The following RGS7 variants were observed in gnomAD, a reference collection of about 807,000 sequenced individuals.
The protein encoded by RGS7 is regulator of G protein signaling 7, also known as regulator of G-protein signaling 7.
Under a neutral mutation model 81.1 loss-of-function variants are expected in RGS7, and 27 were observed. That is an observed-to-expected ratio of 0.33 (90% CI 0.25 to 0.46). The LOEUF (loss-of-function observed/expected upper bound fraction) is 0.46, where lower values mean the gene tolerates loss of function less well. Ranked by LOEUF, RGS7 falls within the 20% of genes least tolerant of loss-of-function variation. The pLI is 1.00. For synonymous variants in RGS7, 208 were observed against 207.7 expected (o/e 1.00, Z -0.01); for missense variants, 396 against 607.4 (o/e 0.65, Z 3.66).
chr1:241,217,375 T>C (rs1040590014), intron 2 of RGS7, among the ~76,000 whole-genome samples: 3 of 152,200 alleles, frequency 2.0e-5, no homozygotes, highest in Non-Finnish European at 2.9e-5. Context: ...CTGTGGTTTT[T>C]GCTGTGGCAG....
intron 2 of RGS7, among the ~76,000 whole-genome samples, chr1:241,202,244 A>G (rs2073574689): frequency 6.6e-6 from 1 of 152,206 alleles, no homozygotes; most frequent in Admixed American, 6.5e-5. Context: ...AAATAACATC[A>G]GTTGTAGCAT....
chr1:240,820,514 C>T (rs1161746057), intron 10 of RGS7, among the ~76,000 whole-genome samples: 1 of 151,772 alleles, frequency 6.6e-6, no homozygotes, highest in Non-Finnish European at 1.5e-5. Context: ...TTGTGTCTCT[C>T]CAAAATTCTT....
intron 3 of RGS7, among the ~76,000 whole-genome samples, chr1:241,097,632 C>T (rs182609354): frequency 5.9e-5 from 9 of 152,250 alleles, no homozygotes; most frequent in East Asian, 3.9e-4. Flanking sequence ...TCTCCCTCCT[C>T]GCTGCTGAGG....
intron 3 of RGS7, among the ~76,000 whole-genome samples, chr1:240,987,448 T>G (rs1685827902): frequency 6.6e-6 from 1 of 152,108 alleles, no homozygotes; most frequent in South Asian, 2.1e-4. Context: ...ATAGACACAG[T>G]GCTGACAATA....
chr1:240,982,314 C>A (rs1461490781), intron 4 of RGS7, among the ~76,000 whole-genome samples: 1 of 148,848 alleles, frequency 6.7e-6, no homozygotes, highest in Non-Finnish European at 1.5e-5. Flanking sequence ...CCCAGCTACT[C>A]GGGAGGCTGA....
intron 2 of RGS7, among the ~76,000 whole-genome samples, chr1:241,295,358 CAGG>C (rs1421669203): frequency 2.1e-5 from 3 of 143,498 alleles, no homozygotes; most frequent in African/African-American, 7.4e-5. Context: ...GAGGATGAGG[CAGG>C]AGAATCATTT....
chr1:241,356,141 G>C (rs2083548539), intron 1 of RGS7, among the ~76,000 whole-genome samples: 1 of 151,592 alleles, frequency 6.6e-6, no homozygotes, highest in Non-Finnish European at 1.5e-5. Context: ...TCCTAGTACA[G>C]AGTTCTCTTC....
chr1:241,142,184 C>T (rs998868474), intron 2 of RGS7, among the ~76,000 whole-genome samples: 5 of 152,344 alleles, frequency 3.3e-5, no homozygotes, highest in Admixed American at 6.5e-5. Flanking sequence ...TGGCTGCTTT[C>T]GTGGGCTGGC....
At chr1:241,156,167 T>TAGATAGAC (rs1449426427) in intron 2 of RGS7, among the ~76,000 whole-genome samples, 1 of 150,660 alleles carries the variant, frequency 6.6e-6, no homozygotes, top group African/African-American at 2.5e-5. Flanking sequence ...GATAGATAGA[T>TAGATAGAC]AGATACATAT....
chr1:241,254,914 A>G (rs1046255340), intron 2 of RGS7, among the ~76,000 whole-genome samples: 5 of 152,192 alleles, frequency 3.3e-5, no homozygotes, highest in African/African-American at 1.2e-4. Flanking sequence ...ATGCTGAAAC[A>G]CCCACTACAT....
At chr1:240,841,893 C>G (rs1674743) in intron 9 of RGS7, among the ~76,000 whole-genome samples, 1 of 152,088 alleles carries the variant, frequency 6.6e-6, no homozygotes, top group African/African-American at 2.4e-5. Flanking sequence ...TGTTAATAAT[C>G]ATACCTAAAA....
intron 4 of RGS7, among the ~76,000 whole-genome samples, chr1:240,951,274 A>G (rs1477872691): frequency 6.6e-6 from 1 of 152,172 alleles, no homozygotes; most frequent in African/African-American, 2.4e-5. Context: ...AGAAAAACAC[A>G]GTGTGAAGAG....
chr1:241,249,151 T>C lies in RGS7; in HGVS notation c.78+106548A>G, dbSNP rs373081450. On this transcript the variant is annotated intron_variant, in intron 2 of 18. Coordinates refer to ENST00000440928, the MANE Select transcript of RGS7 (RefSeq NM_001364886.1). ...TATAACTTATTGATTTTTTTTGGTTTATAGATTGTGCTTTTCATGTTGCAT... is the reference window on the plus strand; with the variant it reads ...TATAACTTATTGATTTTTTTTGGTTCATAGATTGTGCTTTTCATGTTGCAT... Among the ~76,000 whole-genome samples, 176 of 152,322 alleles carry C rather than the reference T, an allele frequency of 1.2e-3. 1 individual carries two copies. Among genetic ancestry groups the C allele is most frequent in the Middle Eastern group, 6.8e-3 (2 of 294 alleles).
intron 2 of RGS7, among the ~76,000 whole-genome samples, chr1:241,354,463 A>ATAG (rs1462111738): frequency 1.3e-5 from 2 of 152,236 alleles, no homozygotes; most frequent in African/African-American, 4.8e-5. Flanking sequence ...GGTACACAGT[A>ATAG]TAGTACTGTT....
chr1:241,228,089 T>C (rs1197560642), intron 2 of RGS7, among the ~76,000 whole-genome samples: 2 of 152,206 alleles, frequency 1.3e-5, no homozygotes, highest in African/African-American at 2.4e-5. Flanking sequence ...CTTGATTCTC[T>C]TGGGACACTG....
At chr1:241,023,974 C>T (rs1404156738) in intron 3 of RGS7, among the ~76,000 whole-genome samples, 1 of 152,130 alleles carries the variant, frequency 6.6e-6, no homozygotes, top group East Asian at 1.9e-4. Context: ...GAACTCCTGA[C>T]TCAGGTGTGG....
chr1:241,037,440 G>A (rs776386978), intron 3 of RGS7, among the ~76,000 whole-genome samples: 1 of 152,150 alleles, frequency 6.6e-6, no homozygotes, highest in Non-Finnish European at 1.5e-5. Context: ...ACAAATGGAG[G>A]CCGGGCCCAG....
intron 6 of RGS7, among the ~76,000 whole-genome samples, chr1:240,882,871 G>C (rs1401653046): frequency 1.3e-5 from 2 of 152,056 alleles, no homozygotes; most frequent in Non-Finnish European, 2.9e-5. Context: ...AAACAAAATA[G>C]AGCCATTTAA....
intron 2 of RGS7, among the ~76,000 whole-genome samples, chr1:241,274,359 G>A (rs777987245): frequency 1.5e-4 from 23 of 152,116 alleles, no homozygotes; most frequent in Admixed American, 3.3e-4. Context: ...ACACCTAACT[G>A]GTAAAAGATT....
Sources: gnomAD v4.1 joint callset for allele counts (sites outside exome capture counted in the v4.1 genomes callset) on GRCh38, gnomAD v4.1.1 for gene constraint, MANE v1.5 for transcripts, NCBI Gene and HGNC (gene_info 2026-07-23, HGNC 2026-07-21) for gene names.